The following CALCR variants were observed in gnomAD, a reference collection of about 807,000 sequenced individuals.
CALCR encodes the protein calcitonin receptor.
A neutral mutation model predicts 59.5 loss-of-function variants in CALCR; 47 were observed. The observed-to-expected ratio is 0.79, with a 90% CI of 0.63 to 1.01. The LOEUF (loss-of-function observed/expected upper bound fraction) is 1.01, where lower values mean the gene tolerates loss of function less well. Among genes scored for constraint, CALCR ranks in the 50% least tolerant of loss-of-function variants. CALCR has a pLI of 0.00. For synonymous variants in CALCR, 213 were observed against 211.3 expected (o/e 1.01, Z -0.07); for missense variants, 566 against 597.1 (o/e 0.95, Z 0.54).
chr7:93,480,596 A>T (rs1744442295), intron 3 of CALCR, among the ~76,000 whole-genome samples: 1 of 151,854 alleles, frequency 6.6e-6, no homozygotes, highest in South Asian at 2.1e-4. Flanking sequence ...GTTGACATGT[A>T]TATTCCTGGC....
chr7:93,483,450 T>C (rs575737081), intron 3 of CALCR, among the ~76,000 whole-genome samples: 8 of 133,484 alleles, frequency 6.0e-5, no homozygotes, highest in Non-Finnish European at 1.3e-4. Flanking sequence ...GATAGATAGA[T>C]AGATAGACAG....
chr7:93,540,526 T>G (rs1216656727), intron 2 of CALCR, among the ~76,000 whole-genome samples: 2 of 152,102 alleles, frequency 1.3e-5, no homozygotes, highest in Non-Finnish European at 2.9e-5. Flanking sequence ...ACAGCAAAAT[T>G]GGAGACAAAA....
intron 2 of CALCR, among the ~76,000 whole-genome samples, chr7:93,512,225 G>C (rs1801561183): frequency 6.6e-6 from 1 of 152,140 alleles, no homozygotes; most frequent in African/African-American, 2.4e-5. Context: ...AACGTTTGGA[G>C]ACCTGGAGTG....
intron 2 of CALCR, among the ~76,000 whole-genome samples, chr7:93,499,816 T>G (rs1472926346): frequency 6.6e-6 from 1 of 151,880 alleles, no homozygotes; most frequent in Non-Finnish European, 1.5e-5. Context: ...TTATAAACTC[T>G]TTTAAGCCAA....
intron 8 of CALCR, among the ~76,000 whole-genome samples, chr7:93,450,780 G>C (rs1800093371): frequency 6.6e-6 from 1 of 151,898 alleles, no homozygotes; most frequent in African/African-American, 2.4e-5. Context: ...CCAGACAGGA[G>C]CTACTCAGCC....
intron 2 of CALCR, among the ~76,000 whole-genome samples, chr7:93,515,065 TTC>T (rs1249731827): frequency 6.6e-6 from 1 of 152,054 alleles, no homozygotes; most frequent in African/African-American, 2.4e-5. Context: ...CTTCAAGTGT[TTC>T]TGACATCAGT....
At chr7:93,473,229 G>T (rs1800593848) in intron 5 of CALCR, among the ~76,000 whole-genome samples, 2 of 151,832 alleles carry the variant, frequency 1.3e-5, no homozygotes, top group Admixed American at 6.6e-5. Context: ...CGCTATGGGG[G>T]TGCCAGGCAC....
At chr7:93,536,280 A>G (rs1388390932) in intron 2 of CALCR, among the ~76,000 whole-genome samples, 3 of 151,776 alleles carry the variant, frequency 2.0e-5, no homozygotes, top group Non-Finnish European at 3.0e-5. Context: ...TGAATGGCAT[A>G]CTTTGTCACT....
intron 2 of CALCR, among the ~76,000 whole-genome samples, chr7:93,560,932 G>A (rs1393511566): frequency 1.3e-5 from 2 of 152,040 alleles, no homozygotes; most frequent in Non-Finnish European, 2.9e-5. Flanking sequence ...TGTAAAATGA[G>A]GATCATAATC....
intron 2 of CALCR, among the ~76,000 whole-genome samples, chr7:93,572,224 T>C (rs958637382): frequency 6.6e-6 from 1 of 151,658 alleles, no homozygotes; most frequent in African/African-American, 2.4e-5. Flanking sequence ...TATATGTTTC[T>C]TTTTTTTAAA....
intron 7 of CALCR, among the ~76,000 whole-genome samples, chr7:93,463,957 G>GAC (rs1800391312): frequency 6.6e-6 from 1 of 151,968 alleles, no homozygotes; most frequent in African/African-American, 2.4e-5. Flanking sequence ...AGGAGGATGA[G>GAC]ACAACATAAT....
chr7:93,493,009 G>C (rs1801118592), intron 2 of CALCR, among the ~76,000 whole-genome samples: 1 of 151,244 alleles, frequency 6.6e-6, no homozygotes, highest in African/African-American at 2.4e-5. Flanking sequence ...AGTAGGTTTT[G>C]AGTGCTTAGG....
chr7:93,467,177 T>C (rs933727509), intron 7 of CALCR, among the ~76,000 whole-genome samples: 1 of 151,808 alleles, frequency 6.6e-6, no homozygotes, highest in Non-Finnish European at 1.5e-5. Flanking sequence ...ATGAAGACAT[T>C]CCAAGATTAA....
intron 13 of CALCR, among the ~76,000 whole-genome samples, chr7:93,429,951 T>C (rs1269872838): frequency 6.7e-6 from 1 of 148,284 alleles, no homozygotes; most frequent in Non-Finnish European, 1.5e-5. Context: ...TGTTTTTTTT[T>C]GAGACAGAGT....
intron 8 of CALCR, among the ~76,000 whole-genome samples, chr7:93,451,510 TTC>T: frequency 6.6e-6 from 1 of 152,108 alleles, no homozygotes; most frequent in South Asian, 2.1e-4. Context: ...TCAGAGTCCC[TTC>T]TTTCCACCCC....
intron 2 of CALCR, among the ~76,000 whole-genome samples, chr7:93,535,046 T>C (rs1366372537): frequency 6.6e-6 from 1 of 151,754 alleles, no homozygotes; most frequent in East Asian, 1.9e-4. Context: ...GCTGTGATGC[T>C]AATCTTCCCA....
intron 13 of CALCR, among the ~76,000 whole-genome samples, chr7:93,426,975 TAA>T (rs1273711992): frequency 6.6e-6 from 1 of 152,210 alleles, no homozygotes; most frequent in Non-Finnish European, 1.5e-5. Flanking sequence ...GTTTTTAATT[TAA>T]GTGTGCACAT....
intron 2 of CALCR, among the ~76,000 whole-genome samples, chr7:93,516,843 T>C (rs1584600624): frequency 1.3e-5 from 2 of 151,978 alleles, no homozygotes; most frequent in African/African-American, 4.8e-5. Flanking sequence ...TAGAGGATGA[T>C]GTTGCATCAC....
At chr7:93,446,406 AGAACCACACCTCAT>A (rs1447070528) in intron 8 of CALCR, among the ~76,000 whole-genome samples, 1 of 152,060 alleles carries the variant, frequency 6.6e-6, no homozygotes, top group Non-Finnish European at 1.5e-5. Flanking sequence ...AGAAATATAC[AGAACCACACCTCAT>A]CTCTCTTTTT....
Sources: allele counts gnomAD v4.1 joint callset (sites outside exome capture counted in the v4.1 genomes callset), GRCh38; gene constraint gnomAD v4.1.1; transcripts MANE v1.5; gene names NCBI Gene and HGNC (gene_info 2026-07-23, HGNC 2026-07-21).